Variants in WWOX observed in about 807,000 individuals in gnomAD.
WWOX encodes WW domain-containing oxidoreductase.
A neutral mutation model predicts 46.2 loss-of-function variants in WWOX; 69 were observed. The ratio of observed to expected loss-of-function variants is 1.49; its 90% CI spans 1.23 to 1.82. The LOEUF (loss-of-function observed/expected upper bound fraction) is 1.82. Ranked by LOEUF, WWOX falls within the 40% of genes most tolerant of loss-of-function variation. The pLI is 0.00. For missense variants in WWOX, 919 were observed against 542.6 expected, an observed-to-expected ratio of 1.69 and a Z score of -6.89; for synonymous variants, 359 against 202.6, an observed-to-expected ratio of 1.77 and a Z score of -6.56.
chr16:78,354,311 A>ATTTTTTTTT (rs2081241416), intron 5 of WWOX, among the ~76,000 whole-genome samples: 1 of 38,592 alleles, frequency 2.6e-5, no homozygotes, highest in African/African-American at 1.2e-4. Context: ...GATGTGCTTA[A>ATTTTTTTTT]CTTTTTTTTT....
intron 8 of WWOX, among the ~76,000 whole-genome samples, chr16:78,808,731 A>G (rs1424940367): frequency 2.6e-5 from 4 of 152,220 alleles, no homozygotes; most frequent in Middle Eastern, 3.4e-3. Flanking sequence ...TTAATATCCT[A>G]CGTCAAAGAT....
chr16:79,139,085 C>T (rs2050038344), intron 8 of WWOX, among the ~76,000 whole-genome samples: 1 of 152,202 alleles, frequency 6.6e-6, no homozygotes, highest in Non-Finnish European at 1.5e-5. Flanking sequence ...GGTTCCGTCT[C>T]ATCCACCAGC....
intron 8 of WWOX, among the ~76,000 whole-genome samples, chr16:78,964,881 T>C (rs1208328096): frequency 6.6e-6 from 1 of 152,208 alleles, no homozygotes; most frequent in East Asian, 1.9e-4. Context: ...GGGGCCAAGG[T>C]ATAGCTCAGG....
chr16:78,332,181 G>C (rs559826199), intron 5 of WWOX, among the ~76,000 whole-genome samples: 31 of 152,220 alleles, frequency 2.0e-4, no homozygotes, highest in African/African-American at 7.0e-4. Flanking sequence ...CCCACCCCAA[G>C]CCTTTTTTGC....
chr16:78,664,679 G>A (rs2047290128), intron 8 of WWOX, among the ~76,000 whole-genome samples: 2 of 152,186 alleles, frequency 1.3e-5, no homozygotes, highest in Non-Finnish European at 2.9e-5. Flanking sequence ...CAAGCATGCC[G>A]AACGGCCAGC....
At position 78,882,292 on chromosome 16, in the gene WWOX, G is replaced by A. The variant is rs138937019; in HGVS notation, c.1057-329316G>A. 1.8e-3 allele frequency among the ~76,000 whole-genome samples: 277 copies of A among 152,212 alleles called. 1 individual carries two copies. The highest frequency in any genetic ancestry group is 3.4e-3 in the Middle Eastern group (1 of 294). On this transcript the variant is annotated intron_variant, in intron 8 of 8. Transcript: ENST00000566780. ...TACCTAGGGAGCCAGGACAGTATTT[G>A]TATCATCATTTCATTGTTCCTGGAA...
At chr16:78,972,004 G>T (rs1242571535) in intron 8 of WWOX, among the ~76,000 whole-genome samples, 1 of 152,130 alleles carries the variant, frequency 6.6e-6, no homozygotes, top group African/African-American at 2.4e-5. Flanking sequence ...TTGTCCACCT[G>T]CTGTTTACTC....
rs773772350 is a variant in WWOX at position 78,099,754 on chromosome 16, G to C, written c.-25G>C. On this transcript the variant is annotated 5_prime_UTR_variant, in exon 1 of 9. Coordinates refer to ENST00000566780, the MANE Select transcript of WWOX (RefSeq NM_016373.4). ...GTGGACCCGGCAGCGGGCGATAGGG[G>C]GGCCAGGTGCCTCCACAGTCAGCCA... 3.3e-6 allele frequency: 5 copies of C among 1,524,728 alleles called. No individual in the cohort carries two copies. Among genetic ancestry groups the C allele is most frequent in the Non-Finnish European group, 4.4e-6 (5 of 1,136,512 alleles). 94.4% of individuals were successfully genotyped at this position (1,524,728 alleles called of 1,614,324 possible).
chr16:78,597,884 C>T (rs950519161), intron 8 of WWOX, among the ~76,000 whole-genome samples: 1 of 151,646 alleles, frequency 6.6e-6, no homozygotes, highest in Non-Finnish European at 1.5e-5. Context: ...CGTCAGCATA[C>T]TTTATCATAT....
Position 78,836,773 on chromosome 16 carries a change from G to A in WWOX, c.1057-374835G>A, listed in dbSNP as rs1404147901. 3.3e-5 allele frequency among the ~76,000 whole-genome samples: 5 copies of A among 152,274 alleles called. No individual in the cohort carries two copies. In the South Asian group the frequency reaches 8.3e-4, roughly 25 times the overall value. ...CCCCAGGATTTCTGACCTAATTTCT[G>A]ATCTCTTTAATTATTCTATACACCA... On this transcript the variant is annotated intron_variant, in intron 8 of 8. Coordinates refer to ENST00000566780, the MANE Select transcript of WWOX (RefSeq NM_016373.4).
intron 8 of WWOX, among the ~76,000 whole-genome samples, chr16:78,835,821 T>C (rs937131489): frequency 6.6e-6 from 1 of 152,240 alleles, no homozygotes; most frequent in Non-Finnish European, 1.5e-5. Flanking sequence ...TCAACTTCTT[T>C]TGGTAGGAAA....
intron 8 of WWOX, among the ~76,000 whole-genome samples, chr16:78,760,679 A>C (rs2049769886): frequency 6.6e-6 from 1 of 152,126 alleles, no homozygotes; most frequent in African/African-American, 2.4e-5. Flanking sequence ...GGCTTGTCTC[A>C]AGCTGCTGAT....
intron 5 of WWOX, among the ~76,000 whole-genome samples, chr16:78,219,889 T>G (rs537259367): frequency 8.3e-4 from 126 of 152,292 alleles, no homozygotes; most frequent in Non-Finnish European, 1.4e-3. Flanking sequence ...TATCTGCGAT[T>G]GTACTGAAAC....
At chr16:78,933,162 G>C (rs1190835088) in intron 8 of WWOX, among the ~76,000 whole-genome samples, 1 of 152,216 alleles carries the variant, frequency 6.6e-6, no homozygotes, top group Non-Finnish European at 1.5e-5. Context: ...ATGTTGGCCT[G>C]GCGTGGTGGC....
intron 8 of WWOX, among the ~76,000 whole-genome samples, chr16:78,778,875 C>T (rs1452716433): frequency 6.6e-6 from 1 of 152,148 alleles, no homozygotes; most frequent in East Asian, 1.9e-4. Flanking sequence ...CACATTGACC[C>T]AGCAGTGTTC....
intron 8 of WWOX, among the ~76,000 whole-genome samples, chr16:78,443,306 A>G (rs570593757): frequency 1.2e-4 from 19 of 152,078 alleles, no homozygotes; most frequent in African/African-American, 4.6e-4. Context: ...CTGAAAAACA[A>G]AAAAACAAAA....
At chr16:78,106,795 G>T (rs767759745) in intron 1 of WWOX, among the ~76,000 whole-genome samples, 1 of 152,146 alleles carries the variant, frequency 6.6e-6, no homozygotes, top group South Asian at 2.1e-4. Context: ...TACTGATACC[G>T]TAGCTGGTAC....
intron 8 of WWOX, among the ~76,000 whole-genome samples, chr16:78,907,138 T>C (rs1165336137): frequency 2.0e-5 from 3 of 152,064 alleles, no homozygotes; most frequent in Admixed American, 1.3e-4. Context: ...TTTTTAAGGA[T>C]AGTTTTGTGG....
Position 79,211,748 on chromosome 16 carries a change from G to T in WWOX, c.1197G>T (p.Ala399=), listed in dbSNP as rs376935572. ...QSEETARTLW[A]LSERLIQERL... ...AAGAGACGGCCCGGACCCTGTGGGC[G>T]CTCAGCGAGAGGCTGATCCAAGAAC... Residue 399 remains alanine, a synonymous_variant, in exon 9 of 9, where the codon GCG becomes GCT. Transcript: ENST00000566780. 1.2e-6 allele frequency: 2 copies of T among 1,614,202 alleles called. No homozygotes were observed. Among genetic ancestry groups the T allele is most frequent in the Non-Finnish European group, 1.7e-6 (2 of 1,180,040 alleles).
Sources: gnomAD v4.1 joint callset for allele counts (sites outside exome capture counted in the v4.1 genomes callset) on GRCh38, gnomAD v4.1.1 for gene constraint, MANE v1.5 for transcripts, NCBI Gene and HGNC (gene_info 2026-07-23, HGNC 2026-07-21) for gene names.